Variants in GFRA1 observed in about 807,000 individuals in gnomAD.
GFRA1 encodes GDNF family receptor alpha 1.
GFRA1 carries 16 observed loss-of-function variants against 51.6 expected under a neutral mutation model. The ratio of observed to expected loss-of-function variants is 0.31; its 90% CI spans 0.21 to 0.47. GFRA1 has a LOEUF of 0.47. Ranked by LOEUF, GFRA1 falls within the 20% of genes least tolerant of loss-of-function variation. The pLI, the probability that GFRA1 is intolerant of heterozygous loss-of-function variation, is 1.00. For missense variants in GFRA1, 530 were observed against 594.3 expected (o/e 0.89, Z 1.13); for synonymous variants, 270 against 241.3 (o/e 1.12, Z -1.10).
At position 116,061,945 on chromosome 10, in the gene GFRA1, C is replaced by A; in HGVS notation, c.*2453G>T. ...GTTGTCCCTGAACAAGATGCTTCCC[C>A]CTATTTATTTAATCAGCAACTGATT... is the stretch of plus-strand genomic sequence containing the variant. On this transcript the variant is annotated 3_prime_UTR_variant, in exon 11 of 11. Coordinates refer to ENST00000355422, the MANE Select transcript of GFRA1 (RefSeq NM_005264.8). 2.5e-6 allele frequency: 1 copy of A among 398,510 alleles called. No homozygotes were observed. Among genetic ancestry groups the A allele is most frequent in the South Asian group, 1.3e-4 (1 of 7,822 alleles). The allele number at this position is 398,510 out of a possible 1,614,324, so 24.7% of individuals were successfully genotyped here.
rs1954978014 is a variant in GFRA1, at chr10:116,064,153, C to G, written c.*245G>C. 4 of 461,660 alleles carry G rather than the reference C, an allele frequency of 8.7e-6. No individual in the cohort carries two copies. The highest frequency in any genetic ancestry group is 8.1e-5 in the African/African-American group (4 of 49,658). 28.6% of individuals were successfully genotyped at this position (461,660 alleles called of 1,614,324 possible). ...TTTACAGCCCAAGTTACAAACTGTC[C>G]CTTTAAAATACAGCATATCCCAAAG... On this transcript the variant is annotated 3_prime_UTR_variant, in exon 11 of 11. Coordinates refer to ENST00000355422, the MANE Select transcript of GFRA1 (RefSeq NM_005264.8).
At chr10:116,070,076 A>G (rs1422863952) in intron 9 of GFRA1, among the ~76,000 whole-genome samples, 1 of 152,154 alleles carries the variant, frequency 6.6e-6, no homozygotes, top group East Asian at 1.9e-4. Context: ...CTACCTCCAG[A>G]AAATAAAACC....
intron 4 of GFRA1, among the ~76,000 whole-genome samples, chr10:116,251,821 G>A (rs1220991652): frequency 3.9e-5 from 6 of 152,200 alleles, no homozygotes; most frequent in South Asian, 4.2e-4. Flanking sequence ...GGAGGTACAC[G>A]TCTGAAAAGG....
chr10:116,211,577 T>G, intron 5 of GFRA1, 54 bp downstream of exon 5: 2 of 1,486,908 alleles, frequency 1.3e-6, no homozygotes, highest in South Asian at 2.4e-5. Context: ...ACCATACCCA[T>G]GTTCCCCAAA....
chr10:116,068,010 G>C (rs192159706), intron 9 of GFRA1, among the ~76,000 whole-genome samples: 1 of 152,316 alleles, frequency 6.6e-6, no homozygotes, highest in East Asian at 1.9e-4. Flanking sequence ...AGTCCCATTG[G>C]CTAAAGCTGG....
chr10:116,235,089 C>T lies in GFRA1; in HGVS notation c.419-23444G>A, dbSNP rs530216573. Among the ~76,000 whole-genome samples, 6 of 152,274 alleles carry T rather than the reference C, an allele frequency of 3.9e-5. No individual in the cohort carries two copies. In the South Asian group the frequency reaches 1.0e-3, roughly 26 times the overall value. On this transcript the variant is annotated intron_variant, in intron 4 of 10. Coordinates refer to ENST00000355422, the MANE Select transcript of GFRA1 (RefSeq NM_005264.8). ...ATCTTTCCTTTATAAATTACCCAGTCGCAGGTATGTTTTTATTAGCACTGT... is the reference window on the plus strand; with the variant it reads ...ATCTTTCCTTTATAAATTACCCAGTTGCAGGTATGTTTTTATTAGCACTGT...
At chr10:116,249,406 A>G (rs1259095819) in intron 4 of GFRA1, among the ~76,000 whole-genome samples, 1 of 152,174 alleles carries the variant, frequency 6.6e-6, no homozygotes, top group Non-Finnish European at 1.5e-5. Context: ...AGCACATCCA[A>G]GAACTGGAGG....
intron 4 of GFRA1, chr10:116,255,820 C>T (rs1464114536): frequency 8.8e-7 from 1 of 1,136,368 alleles, no homozygotes; most frequent in African/African-American, 1.6e-5. Flanking sequence ...AGTCAGTTCG[C>T]AAAAAACCTG....
chr10:116,190,432 C>T (rs1489269324), intron 5 of GFRA1, among the ~76,000 whole-genome samples: 2 of 152,168 alleles, frequency 1.3e-5, no homozygotes, highest in African/African-American at 2.4e-5. Flanking sequence ...CAAGCCAGTG[C>T]TCTACAGACA....
intron 4 of GFRA1, among the ~76,000 whole-genome samples, chr10:116,259,726 C>T (rs1969160008): frequency 1.3e-5 from 2 of 152,178 alleles, no homozygotes; most frequent in African/African-American, 4.8e-5. Flanking sequence ...AAAATTTCAT[C>T]ACTAACAGTA....
intron 5 of GFRA1, among the ~76,000 whole-genome samples, chr10:116,159,427 T>G (rs1959510709): frequency 6.6e-6 from 1 of 152,190 alleles, no homozygotes; most frequent in Non-Finnish European, 1.5e-5. Flanking sequence ...ATGTAGTGGA[T>G]CCTCGTGCAG....
At chr10:116,231,315 T>C (rs994407230) in intron 4 of GFRA1, among the ~76,000 whole-genome samples, 2 of 152,182 alleles carry the variant, frequency 1.3e-5, no homozygotes, top group Admixed American at 6.5e-5. Context: ...AATTCAGTTA[T>C]ATGAATTTCC....
chr10:116,083,704 GT>G (rs1955961499), intron 9 of GFRA1, among the ~76,000 whole-genome samples: 1 of 152,166 alleles, frequency 6.6e-6, no homozygotes, highest in African/African-American at 2.4e-5. Flanking sequence ...GACTTTGGGG[GT>G]TTGCCCCCAC....
At position 116,093,937 on chromosome 10, in the gene GFRA1, A is replaced by G. The variant is rs547197611; in HGVS notation, c.881-101T>C. 1.2e-3 allele frequency: 1,365 copies of G among 1,094,406 alleles called. 3 individuals are homozygous for G. The highest frequency in any genetic ancestry group is 1.6e-3 in the Non-Finnish European group (1,141 of 714,030). The allele number at this position is 1,094,406 out of a possible 1,614,324, so 67.8% of individuals were successfully genotyped here. On this transcript the variant is annotated intron_variant, in intron 7 of 10. Coordinates refer to ENST00000355422, the MANE Select transcript of GFRA1 (RefSeq NM_005264.8). ...CTCTGACGGCGGATGCACCGTGGAT[A>G]ATTACAGACATTGTATTTGCTGAGT... is the stretch of plus-strand genomic sequence containing the variant.
upstream of GFRA1, among the ~76,000 whole-genome samples, chr10:116,274,464 T>G (rs564757595): frequency 6.6e-6 from 1 of 152,292 alleles, no homozygotes; most frequent in African/African-American, 2.4e-5. Context: ...GGTTGAAGTT[T>G]GAGGCCCGGG....
intron 9 of GFRA1, among the ~76,000 whole-genome samples, chr10:116,067,098 G>C (rs1565549803): frequency 6.6e-6 from 1 of 152,200 alleles, no homozygotes; most frequent in South Asian, 2.1e-4. Context: ...TCCCTGGGCT[G>C]TTCAAAGGTC....
chr10:116,180,669 T>C (rs950332273), intron 5 of GFRA1, among the ~76,000 whole-genome samples: 3 of 152,206 alleles, frequency 2.0e-5, no homozygotes, highest in Non-Finnish European at 2.9e-5. Flanking sequence ...CTCTGCCTGT[T>C]TCTAGGTTCC....
At chr10:116,197,245 C>T (rs1324976654) in intron 5 of GFRA1, among the ~76,000 whole-genome samples, 7 of 151,960 alleles carry the variant, frequency 4.6e-5, no homozygotes, top group African/African-American at 1.7e-4. Context: ...GATTAGGGCC[C>T]TTAGGACTCC....
intron 4 of GFRA1, among the ~76,000 whole-genome samples, chr10:116,212,469 G>A (rs781157877): frequency 3.3e-5 from 5 of 151,534 alleles, no homozygotes; most frequent in African/African-American, 4.9e-5. Context: ...GCAGTAAGCC[G>A]AGATCGCTCC....
Sources: allele counts gnomAD v4.1 joint callset (sites outside exome capture counted in the v4.1 genomes callset), GRCh38; gene constraint gnomAD v4.1.1; transcripts MANE v1.5; gene names NCBI Gene and HGNC (gene_info 2026-07-23, HGNC 2026-07-21).